The following GLI3 variants were observed in gnomAD, a reference collection of about 807,000 sequenced individuals.
GLI3 encodes transcription activator GLI3.
Under a neutral mutation model 100.8 loss-of-function variants are expected in GLI3, and 20 were observed. That is an observed-to-expected ratio of 0.20 (90% CI 0.14 to 0.29). The LOEUF (loss-of-function observed/expected upper bound fraction) is 0.29. Ranked by LOEUF, GLI3 falls within the 10% of genes least tolerant of loss-of-function variation. GLI3 has a pLI of 1.00. For synonymous variants in GLI3, 938 were observed against 860.5 expected, an observed-to-expected ratio of 1.09 and a Z score of -1.58; for missense variants, 2,040 against 2,128.5, an observed-to-expected ratio of 0.96 and a Z score of 0.82.
chr7:42,119,786 T>C (rs1378659145), intron 3 of GLI3, among the ~76,000 whole-genome samples: 1 of 152,216 alleles, frequency 6.6e-6, no homozygotes, highest in Admixed American at 6.5e-5. Flanking sequence ...CACAGGGGCC[T>C]GACTTTGATT....
At chr7:42,228,137 A>AGCCGCGTC (rs1788620856) in intron 1 of GLI3, among the ~76,000 whole-genome samples, 1 of 151,942 alleles carries the variant, frequency 6.6e-6, no homozygotes, top group Admixed American at 6.6e-5. Flanking sequence ...CGCTGTCTGC[A>AGCCGCGTC]GCCGCGTCGC....
In GLI3 at chr7:41,966,229, C is replaced by G; in HGVS notation, c.2844G>C (p.Met948Ile). The stretch of plus-strand genomic sequence containing the variant: ...GGCGCGTCTTCAGGCTCATCCTCTC[C>G]ATGTTGGGCAGGGGCGTCGGCGGCG... ...GGPPPTPLPNMERMSLKTRLA... is the reference protein window; with the variant it reads ...GGPPPTPLPNIERMSLKTRLA... Residue 948 changes from methionine (M) to isoleucine (I), a missense_variant, in exon 15 of 15, where the codon ATG becomes ATC. Met to Ile is a conservative substitution (Grantham distance 10, BLOSUM62 1). This residue lies in a region of GLI3 where 1,041 missense variants were observed against 924.0 expected (regional missense o/e 1.13). Coordinates refer to ENST00000395925, the MANE Select transcript of GLI3 (RefSeq NM_000168.6). The surrounding 1 kb of genome is among the most constrained non-coding windows in gnomAD (Gnocchi z 5.8). 2 of 1,608,964 alleles carry G rather than the reference C, an allele frequency of 1.2e-6. No homozygotes were observed. The highest frequency in any genetic ancestry group is 1.7e-6 in the Non-Finnish European group (2 of 1,179,076).
At chr7:42,103,637 C>T (rs999649525) in intron 3 of GLI3, among the ~76,000 whole-genome samples, 3 of 152,176 alleles carry the variant, frequency 2.0e-5, no homozygotes, top group East Asian at 1.9e-4. Context: ...ATGCTTAACA[C>T]ACATGACCTC....
chr7:42,239,512 A>G (rs1031586900), upstream of GLI3, among the ~76,000 whole-genome samples: 2 of 152,204 alleles, frequency 1.3e-5, no homozygotes, highest in African/African-American at 2.4e-5. Context: ...TTCTGCCTCA[A>G]TCACATGAAT....
At position 41,965,925 on chromosome 7, in the gene GLI3, T is replaced by C. The variant is rs756110769; in HGVS notation, c.3148A>G (p.Thr1050Ala). ...EKRSLVLQNYTRPEGGQSRNF... is the reference protein window; with the variant it reads ...EKRSLVLQNYARPEGGQSRNF... ...CGGGACTGGCCGCCCTCGGGCCGCG[T>C]GTAATTCTGAAGCACGAGACTGCGC... The change falls in exon 15 of 15, where the codon ACG becomes GCG. Residue 1050 changes from threonine (T) to alanine (A), a missense_variant. Physicochemically the swap from Thr to Ala is moderately conservative, Grantham distance 58 (BLOSUM62 0). This residue lies in a region of GLI3 where 1,041 missense variants were observed against 924.0 expected (regional missense o/e 1.13). Coordinates refer to ENST00000395925, the MANE Select transcript of GLI3 (RefSeq NM_000168.6). 6.2e-7 allele frequency: 1 copy of C among 1,613,052 alleles called. No homozygotes were observed. Among genetic ancestry groups the C allele is most frequent in the East Asian group, 2.2e-5 (1 of 44,836 alleles).
chr7:42,211,780 TA>T lies in GLI3; in HGVS notation c.124+11349del, dbSNP rs758967505. ...CATTTGCACCATCTCTTCTCTTTAT[TA>T]TACCCACCCTTGACCACAAACACAT... On this transcript the variant is annotated intron_variant, in intron 2 of 14. Transcript: ENST00000395925. Among the ~76,000 whole-genome samples the T allele has an allele frequency of 5.9e-5, 9 of 152,324 alleles. No homozygotes were observed. In the South Asian group the frequency reaches 6.2e-4, roughly 11 times the overall value.
At chr7:42,072,776 G>C (rs894543155) in intron 4 of GLI3, among the ~76,000 whole-genome samples, 1 of 152,340 alleles carries the variant, frequency 6.6e-6, no homozygotes, top group South Asian at 2.1e-4. Flanking sequence ...ATAAGAGTAT[G>C]TGTGTATAGA....
intron 2 of GLI3, among the ~76,000 whole-genome samples, chr7:42,197,647 T>A (rs1005000125): frequency 6.6e-6 from 1 of 152,306 alleles, no homozygotes; most frequent in Non-Finnish European, 1.5e-5. Context: ...CTTTGTCACC[T>A]GAAATTCACC....
At chr7:42,129,767 G>A (rs1023159224) in intron 3 of GLI3, among the ~76,000 whole-genome samples, 9 of 151,892 alleles carry the variant, frequency 5.9e-5, no homozygotes, top group Admixed American at 2.0e-4. Context: ...CCGAGATCGC[G>A]CCACTGCACT....
At chr7:42,264,125 G>C (rs779152632), upstream of GLI3, among the ~76,000 whole-genome samples, 31 of 152,150 alleles carry the variant, frequency 2.0e-4, no homozygotes, top group Non-Finnish European at 2.8e-4. Flanking sequence ...CCAAAAGCAC[G>C]AAGGGCCTTG....
intron 2 of GLI3, among the ~76,000 whole-genome samples, chr7:42,204,751 C>T (rs947899057): frequency 6.6e-6 from 1 of 151,998 alleles, no homozygotes; most frequent in African/African-American, 2.4e-5. Context: ...TTTGAGTATG[C>T]TAAGGAAAAA....
chr7:42,093,953 G>GA (rs1311041430), intron 3 of GLI3, among the ~76,000 whole-genome samples: 1 of 151,974 alleles, frequency 6.6e-6, no homozygotes, highest in Non-Finnish European at 1.5e-5. Context: ...CTTCAATGCA[G>GA]AAAAAAGATA....
chr7:41,973,633 G>A (rs1055438827), intron 12 of GLI3, among the ~76,000 whole-genome samples: 1 of 152,168 alleles, frequency 6.6e-6, no homozygotes, highest in Non-Finnish European at 1.5e-5. Context: ...AGCAGAGGAT[G>A]AGCTTTTACG....
In GLI3 at chr7:42,253,353, C is replaced by G. The variant is rs1235040750; in HGVS notation, c.-43+10641G>C. On this transcript the variant is annotated intron_variant, in intron 1 of 2. Coordinates refer to the GLI3 transcript ENST00000678978. ...TCCAAGCCTGGTGTGCTCAGCGCAT[C>G]TGCAGCAGAGCAGCAGGCATTAGTT... 2.6e-5 allele frequency among the ~76,000 whole-genome samples: 4 copies of G among 152,216 alleles called. No homozygotes were observed. The East Asian group carries it at 7.7e-4, about 29-fold the overall frequency.
At chr7:42,212,542 G>A (rs767759104) in intron 2 of GLI3, among the ~76,000 whole-genome samples, 3 of 152,116 alleles carry the variant, frequency 2.0e-5, no homozygotes, top group Non-Finnish European at 2.9e-5. Flanking sequence ...GTTCCAATAA[G>A]CTTAAAAAAC....
At chr7:42,106,770 GGTA>G (rs1785585661) in intron 3 of GLI3, among the ~76,000 whole-genome samples, 1 of 152,126 alleles carries the variant, frequency 6.6e-6, no homozygotes, top group Non-Finnish European at 1.5e-5. Flanking sequence ...GTTGTGAAAT[GGTA>G]ATGACAGCAG....
intron 2 of GLI3, among the ~76,000 whole-genome samples, chr7:42,216,589 A>G (rs906750455): frequency 2.6e-5 from 4 of 152,220 alleles, no homozygotes; most frequent in Non-Finnish European, 5.9e-5. Context: ...GACGGGGTAT[A>G]TGAGAACTCT....
intron 6 of GLI3, among the ~76,000 whole-genome samples, chr7:42,044,271 C>T (rs1268034059): frequency 6.6e-6 from 1 of 152,176 alleles, no homozygotes; most frequent in Non-Finnish European, 1.5e-5. Flanking sequence ...TAAGCAAAGG[C>T]CCTACTCAAA....
intron 10 of GLI3, among the ~76,000 whole-genome samples, chr7:42,017,479 C>T (rs1187095172): frequency 1.3e-5 from 2 of 152,234 alleles, no homozygotes; most frequent in East Asian, 1.9e-4. Flanking sequence ...CACAGCCCCC[C>T]GCCACTCCCA....
Sources: gnomAD v4.1 joint callset for allele counts (sites outside exome capture counted in the v4.1 genomes callset) on GRCh38, gnomAD v4.1.1 for gene constraint, gnomAD v4.1.1 regional missense constraint, Gnocchi (gnomAD v3.1) non-coding constraint, MANE v1.5 for transcripts, NCBI Gene and HGNC (gene_info 2026-07-23, HGNC 2026-07-21) for gene names.